The following JPH2 variants were observed in gnomAD, a reference collection of about 807,000 sequenced individuals.
JPH2 encodes the protein junctophilin 2.
Under a neutral mutation model 55.9 loss-of-function variants are expected in JPH2, and 38 were observed. That is an observed-to-expected ratio of 0.68 (90% CI 0.52 to 0.89). The LOEUF (loss-of-function observed/expected upper bound fraction) is 0.89. JPH2 is among the 40% of genes least tolerant of loss of function. The pLI, the probability that JPH2 is intolerant of heterozygous loss-of-function variation, is 0.00. For missense variants in JPH2, 964 were observed against 1,037.6 expected, an observed-to-expected ratio of 0.93 and a Z score of 0.97; for synonymous variants, 480 against 472.4, an observed-to-expected ratio of 1.02 and a Z score of -0.21.
At chr20:44,171,959 C>T (rs893851664) in intron 1 of JPH2, among the ~76,000 whole-genome samples, 13 of 152,218 alleles carry the variant, frequency 8.5e-5, no homozygotes, top group African/African-American at 2.9e-4. Context: ...ACATGGAAGA[C>T]ATTCAACAGA....
rs1198839461 is a variant in JPH2 at position 44,115,858 on chromosome 20, G to A, written c.1817C>T (p.Ala606Val). ...AGGCTCGGGGCCTCGGAGCGTGGGG[G>A]CCTGCAGCGGGGCGGTGGCCGGGGA... ...PSSPATAPLQ[A>V]PTLRGPEPAR... Residue 606 changes from alanine to valine, a missense_variant, in exon 4 of 6, where the codon GCC (alanine) becomes GTC (valine). Transcript: ENST00000372980. The A allele has an allele frequency of 1.9e-6, 3 of 1,589,560 alleles. No individual in the cohort carries two copies. The highest frequency in any genetic ancestry group is 2.6e-6 in the Non-Finnish European group (3 of 1,173,438).
chr20:44,175,961 C>T (rs1000775344), intron 1 of JPH2, among the ~76,000 whole-genome samples: 1 of 152,216 alleles, frequency 6.6e-6, no homozygotes, highest in Non-Finnish European at 1.5e-5. Flanking sequence ...AGGCATCTCT[C>T]ACCCATGGTG....
At chr20:44,158,466 G>C (rs2072580919) in intron 2 of JPH2, among the ~76,000 whole-genome samples, 1 of 152,190 alleles carries the variant, frequency 6.6e-6, no homozygotes, top group South Asian at 2.1e-4. Flanking sequence ...GCCTCACTTA[G>C]CTCATCTGCA....
chr20:44,156,483 T>C (rs370558798), intron 2 of JPH2, among the ~76,000 whole-genome samples: 12 of 152,158 alleles, frequency 7.9e-5, no homozygotes, highest in African/African-American at 2.2e-4. Flanking sequence ...CTGTGCCACT[T>C]TAACAGAATA....
intron 2 of JPH2, among the ~76,000 whole-genome samples, chr20:44,149,681 G>A (rs2072517511): frequency 6.6e-6 from 1 of 152,126 alleles, no homozygotes; most frequent in Non-Finnish European, 1.5e-5. Context: ...GAGTACTTAA[G>A]AACTGGAAGA....
At chr20:44,130,742 G>A (rs548764183) in intron 2 of JPH2, among the ~76,000 whole-genome samples, 6 of 152,322 alleles carry the variant, frequency 3.9e-5, no homozygotes, top group Admixed American at 2.6e-4. Context: ...GCAACAGTGC[G>A]CTGACGTCAC....
At position 44,111,327 on chromosome 20, in the gene JPH2, C is replaced by T. The variant is rs2072142053; in HGVS notation, c.*2191G>A. Among the ~76,000 whole-genome samples the T allele has an allele frequency of 6.6e-6, 1 of 152,176 alleles. No homozygotes were observed. On this transcript the variant is annotated 3_prime_UTR_variant, in exon 6 of 6. Transcript: ENST00000372980. ...CTACAGCCTCAACATCTAATGTAAT[C>T]CTCACTACCAGGAGGTAGGCTCTGT...
chr20:44,186,920 G>A lies in JPH2; in HGVS notation c.-215C>T. On this transcript the variant is annotated 5_prime_UTR_variant, in exon 1 of 6. Coordinates refer to ENST00000372980, the MANE Select transcript of JPH2 (RefSeq NM_020433.5). Reference sequence around the variant, plus strand: ...AGTCAGTGCCATGCCCGGGAGCCCCGACTCCACCAGCCAGAGCAAGGCTGC... The same window carrying A: ...AGTCAGTGCCATGCCCGGGAGCCCCAACTCCACCAGCCAGAGCAAGGCTGC... The A allele has an allele frequency of 1.7e-6, 1 of 598,856 alleles. No individual in the cohort carries two copies. The highest frequency in any genetic ancestry group is 4.4e-4 in the Middle Eastern group (1 of 2,254). The allele number at this position is 598,856 out of a possible 1,614,324, so 37.1% of individuals were successfully genotyped here.
intron 2 of JPH2, among the ~76,000 whole-genome samples, chr20:44,141,088 G>A (rs1422536963): frequency 6.6e-6 from 1 of 152,184 alleles, no homozygotes; most frequent in Non-Finnish European, 1.5e-5. Context: ...GAAGACTCGG[G>A]ATATTAAGGT....
rs753073876 is a variant in JPH2, at chr20:44,186,343, C to A, written c.363G>T (p.Glu121Asp). ...NNGLQDGYGT[E>D]TYADGGTYQG... ...TGGCCTCACCTCCATCAGCATAGGT[C>A]TCGGTGCCATAGCCGTCTTGCAGGC... is the stretch of plus-strand genomic sequence containing the variant. The change falls in exon 1 of 6, where the codon GAG becomes GAT. Residue 121 changes from glutamate to aspartate, a missense_variant. Coordinates refer to ENST00000372980, the MANE Select transcript of JPH2 (RefSeq NM_020433.5). 2 of 1,611,670 alleles carry A rather than the reference C, an allele frequency of 1.2e-6. No homozygotes were observed. Among genetic ancestry groups the A allele is most frequent in the Admixed American group, 1.7e-5 (1 of 59,982 alleles).
At chr20:44,143,650 C>A (rs1012351830) in intron 2 of JPH2, among the ~76,000 whole-genome samples, 1 of 152,228 alleles carries the variant, frequency 6.6e-6, no homozygotes, top group African/African-American at 2.4e-5. Context: ...CTCAGCTCCT[C>A]CCTCCTGGCA....
chr20:44,167,507 C>G (rs1036431747), intron 1 of JPH2, among the ~76,000 whole-genome samples: 1 of 152,136 alleles, frequency 6.6e-6, no homozygotes, highest in Non-Finnish European at 1.5e-5. Flanking sequence ...GTGTTCAGGT[C>G]CAGATTCAGC....
chr20:44,180,340 A>G (rs77376124), intron 1 of JPH2, among the ~76,000 whole-genome samples: 19 of 130,748 alleles, frequency 1.5e-4, no homozygotes, highest in African/African-American at 4.8e-4. Context: ...TATTTATTTT[A>G]TTTTTTTTTG....
At chr20:44,147,964 A>G (rs2072504097) in intron 2 of JPH2, among the ~76,000 whole-genome samples, 1 of 152,180 alleles carries the variant, frequency 6.6e-6, no homozygotes, top group Non-Finnish European at 1.5e-5. Context: ...GGAATTCAAG[A>G]TCAGCCTGGC....
intron 2 of JPH2, among the ~76,000 whole-genome samples, chr20:44,120,970 G>T (rs567784365): frequency 1.3e-5 from 2 of 152,270 alleles, no homozygotes; most frequent in South Asian, 4.1e-4. Flanking sequence ...TCAGATGAGG[G>T]AGCTGGCTAG....
chr20:44,164,459 A>G (rs1316668669), intron 1 of JPH2, among the ~76,000 whole-genome samples: 2 of 152,222 alleles, frequency 1.3e-5, no homozygotes, highest in Non-Finnish European at 2.9e-5. Flanking sequence ...AAAAATGGAA[A>G]CAATTCAAAT....
chr20:44,134,880 ATATATATT>A (rs2072395635), intron 2 of JPH2, among the ~76,000 whole-genome samples: 3 of 46,276 alleles, frequency 6.5e-5, no homozygotes, highest in Middle Eastern at 9.4e-3. Flanking sequence ...ATATATTTAT[ATATATATT>A]AATATATATT....
chr20:44,125,336 G>GA (rs11480462), intron 2 of JPH2, among the ~76,000 whole-genome samples: 44,769 of 151,952 alleles, frequency 0.29, 6,714 homozygotes, highest in East Asian at 0.46. Context: ...TTCACTCAAT[G>GA]AATGTCTCCT....
intron 2 of JPH2, among the ~76,000 whole-genome samples, chr20:44,134,668 A>T (rs1185870655): frequency 6.4e-5 from 2 of 31,066 alleles, no homozygotes; most frequent in African/African-American, 2.8e-4. Context: ...ATATATATAA[A>T]TATATATTTA....
Sources: gnomAD v4.1 joint callset for allele counts (sites outside exome capture counted in the v4.1 genomes callset) on GRCh38, gnomAD v4.1.1 for gene constraint, MANE v1.5 for transcripts, NCBI Gene and HGNC (gene_info 2026-07-23, HGNC 2026-07-21) for gene names.